Variants in SP140L observed in about 807,000 individuals in gnomAD.
SP140L encodes the protein SP140 like nuclear body protein.
A neutral mutation model predicts 84.3 loss-of-function variants in SP140L; 64 were observed. That is an observed-to-expected ratio of 0.76 (90% confidence interval 0.62 to 0.94). SP140L has a LOEUF of 0.94. Ranked by LOEUF, SP140L falls within the 40% of genes least tolerant of loss-of-function variation. The pLI, the probability that SP140L is intolerant of heterozygous loss-of-function variation, is 0.00. For synonymous variants in SP140L, 242 were observed against 236.9 expected, an observed-to-expected ratio of 1.02 and a Z score of -0.20; for missense variants, 628 against 692.5, an observed-to-expected ratio of 0.91 and a Z score of 1.05.
At chr2:230,369,911 T>G (rs370627489) in intron 5 of SP140L, among the ~76,000 whole-genome samples, 6 of 147,960 alleles carry the variant, frequency 4.1e-5, no homozygotes, top group Non-Finnish European at 8.8e-5. Context: ...GTAGCTGGGA[T>G]TACAGGCGCA....
intron 7 of SP140L, chr2:230,372,801 G>A (rs1458122514): frequency 6.6e-6 from 1 of 151,588 alleles, no homozygotes; most frequent in Non-Finnish European, 1.5e-5. Flanking sequence ...ATGAAGTTTA[G>A]TGAGGAAGCT....
intron 7 of SP140L, among the ~76,000 whole-genome samples, chr2:230,374,113 C>T (rs2061169673): frequency 6.6e-6 from 1 of 152,246 alleles, no homozygotes; most frequent in South Asian, 2.1e-4. Context: ...ATCAGAAGTT[C>T]AAGACCAGCC....
intron 2 of SP140L, among the ~76,000 whole-genome samples, chr2:230,354,256 G>A (rs2060450706): frequency 6.6e-6 from 1 of 152,096 alleles, no homozygotes; most frequent in South Asian, 2.1e-4. Flanking sequence ...CAATCAATGT[G>A]ATTCACCAAT....
chr2:230,402,359 A>G lies in SP140L; in HGVS notation c.1645-439A>G, dbSNP rs2912640. Among the ~76,000 whole-genome samples the G allele has an allele frequency of 5.9e-5, 9 of 152,190 alleles. No homozygotes were observed. In the East Asian group the frequency reaches 1.2e-3, roughly 20 times the overall value. On this transcript the variant is annotated intron_variant, in intron 18 of 18. Transcript: ENST00000415673. ...CAAAGGCAAAAAAGTAATAATCCCA[A>G]CTGTGGAAATGATTTCACTTTTCTG...
chr2:230,400,684 T>C (rs1575562622), intron 15 of SP140L: 1 of 701,504 alleles, frequency 1.4e-6, no homozygotes. Context: ...CAGGACTCCT[T>C]GTGCTCCCAG....
At chr2:230,329,783 T>C (rs1279625165) in intron 2 of SP140L, among the ~76,000 whole-genome samples, 2 of 152,234 alleles carry the variant, frequency 1.3e-5, no homozygotes, top group Admixed American at 1.3e-4. Flanking sequence ...TATTCCTTTA[T>C]AGCAGTGTCA....
intron 5 of SP140L, among the ~76,000 whole-genome samples, 171 bp downstream of exon 5, chr2:230,361,868 T>C (rs6711835): frequency 7.0e-4 from 106 of 152,266 alleles, no homozygotes; most frequent in African/African-American, 2.5e-3. Flanking sequence ...TGCAGGGTCC[T>C]GGAGAAGTGG....
intron 2 of SP140L, among the ~76,000 whole-genome samples, chr2:230,348,128 A>G (rs1004620439): frequency 8.5e-5 from 13 of 152,216 alleles, no homozygotes; most frequent in African/African-American, 3.1e-4. Flanking sequence ...GGCTCAGGAA[A>G]ACCCTCTTGA....
chr2:230,363,047 T>C (rs1435918926), intron 5 of SP140L, among the ~76,000 whole-genome samples: 1 of 152,178 alleles, frequency 6.6e-6, no homozygotes, highest in African/African-American at 2.4e-5. Context: ...ATTTTTCAGC[T>C]TTACAATGGC....
chr2:230,391,941 C>A (rs2061826128), intron 11 of SP140L, 146 bp from the exon 12 acceptor site: 6 of 1,134,486 alleles, frequency 5.3e-6, no homozygotes, highest in Non-Finnish European at 7.5e-6. Context: ...GATTTGGGGC[C>A]TCTGAAGTCT....
chr2:230,385,571 C>T (rs1007660090), intron 9 of SP140L, among the ~76,000 whole-genome samples: 2 of 152,166 alleles, frequency 1.3e-5, no homozygotes, highest in African/African-American at 4.8e-5. Flanking sequence ...AAATCATTGG[C>T]TAATTAAAAT....
chr2:230,345,829 T>A (rs1575449820), intron 2 of SP140L, among the ~76,000 whole-genome samples: 1 of 152,176 alleles, frequency 6.6e-6, no homozygotes, highest in Non-Finnish European at 1.5e-5. Flanking sequence ...ATATTGGATA[T>A]CTAAAACCAA....
chr2:230,373,680 A>G (rs950222237), intron 7 of SP140L, among the ~76,000 whole-genome samples: 1 of 152,250 alleles, frequency 6.6e-6, no homozygotes, highest in African/African-American at 2.4e-5. Context: ...TGCTATTTCC[A>G]TGCCTGCTAA....
At chr2:230,366,386 C>T (rs2060870582) in intron 5 of SP140L, among the ~76,000 whole-genome samples, 1 of 151,862 alleles carries the variant, frequency 6.6e-6, no homozygotes, top group African/African-American at 2.4e-5. Context: ...TCTTCTTTGT[C>T]TTGTTTTAGT....
At chr2:230,401,617 A>G (rs1191280498) in intron 17 of SP140L, 47 bp from the exon 18 acceptor site, 1 of 1,024,740 alleles carries the variant, frequency 9.8e-7, no homozygotes, top group Non-Finnish European at 1.4e-6. Context: ...CAGAAGGTAG[A>G]CACTGAACTA....
chr2:230,400,595 G>T (rs1460405593), intron 15 of SP140L: 1 of 492,624 alleles, frequency 2.0e-6, no homozygotes, highest in Non-Finnish European at 3.7e-6. Context: ...ATACAAGACA[G>T]GAAGCACGGT....
intron 2 of SP140L, among the ~76,000 whole-genome samples, chr2:230,349,937 G>A (rs2060317112): frequency 6.6e-6 from 1 of 151,988 alleles, no homozygotes; most frequent in African/African-American, 2.4e-5. Context: ...TGAATCCAGG[G>A]GGCAGAGGTT....
chr2:230,363,455 A>G (rs1021067475), intron 5 of SP140L, among the ~76,000 whole-genome samples: 4 of 149,806 alleles, frequency 2.7e-5, no homozygotes, highest in Admixed American at 1.3e-4. Context: ...GGTCATTTGT[A>G]TGTGTTCCTT....
chr2:230,394,001 C>CA (rs955280019), intron 13 of SP140L, among the ~76,000 whole-genome samples: 1 of 152,020 alleles, frequency 6.6e-6, no homozygotes, highest in African/African-American at 2.4e-5. Context: ...TTTCACCTTC[C>CA]AAAAAAATGT....
Sources: allele counts gnomAD v4.1 joint callset (sites outside exome capture counted in the v4.1 genomes callset), GRCh38; gene constraint gnomAD v4.1.1; transcripts MANE v1.5; gene names NCBI Gene and HGNC (gene_info 2026-07-23, HGNC 2026-07-21).